Variants in RNF220 observed in about 807,000 individuals in gnomAD.
RNF220 encodes the protein ring finger protein 220.
A neutral mutation model predicts 67.1 loss-of-function variants in RNF220; 7 were observed. The ratio of observed to expected loss-of-function variants is 0.10; its 90% CI spans 0.06 to 0.20. RNF220 has a LOEUF of 0.20. Ranked by LOEUF, RNF220 falls within the 10% of genes least tolerant of loss-of-function variation. RNF220 has a pLI of 1.00. For missense variants in RNF220, 565 were observed against 740.3 expected (o/e 0.76, Z 2.75); for synonymous variants, 270 against 283.2 (o/e 0.95, Z 0.47).
At chr1:44,617,244 T>C (rs1643594109) in intron 3 of RNF220, among the ~76,000 whole-genome samples, 1 of 152,090 alleles carries the variant, frequency 6.6e-6, no homozygotes, top group South Asian at 2.1e-4. Flanking sequence ...GACGGGTCGA[T>C]GGTTTTATCT....
intron 2 of RNF220, among the ~76,000 whole-genome samples, chr1:44,514,967 A>G (rs2148135915): frequency 6.6e-6 from 1 of 152,326 alleles, no homozygotes; most frequent in East Asian, 1.9e-4. Context: ...AACAAGGACC[A>G]GTCCTTGAAA....
At chr1:44,470,431 G>C (rs1030188526) in intron 2 of RNF220, among the ~76,000 whole-genome samples, 1 of 152,208 alleles carries the variant, frequency 6.6e-6, no homozygotes, top group Non-Finnish European at 1.5e-5. Context: ...TAAGTAGCTA[G>C]TAGTGGAATA....
chr1:44,433,347 G>T lies in RNF220; in HGVS notation c.625+20625G>T, dbSNP rs530751671. Among the ~76,000 whole-genome samples, 5 of 152,286 alleles carry T rather than the reference G, an allele frequency of 3.3e-5. No homozygotes were observed. The South Asian group carries it at 6.2e-4, about 19-fold the overall frequency. On this transcript the variant is annotated intron_variant, in intron 2 of 14. Transcript: ENST00000361799. ...ACATTGGCAAATTCAGCTTGATTTG[G>T]GTAAAAGTACGTAACAGTTCAGAAT...
chr1:44,560,386 T>C (rs1026565089), intron 2 of RNF220, among the ~76,000 whole-genome samples: 11 of 152,196 alleles, frequency 7.2e-5, no homozygotes, highest in African/African-American at 2.2e-4. Flanking sequence ...TGGTCTTTCT[T>C]GCCATCATCA....
rs993409394 is a variant in RNF220, at chr1:44,651,089, C to G, written c.*314C>G. ...TGGGGCACGGCTCCTAAGATCCAGC[C>G]CCCATACTGACAGACGGACAGACAG... On this transcript the variant is annotated 3_prime_UTR_variant, in exon 15 of 15. Coordinates refer to ENST00000361799, the MANE Select transcript of RNF220 (RefSeq NM_018150.4). The G allele has an allele frequency of 7.0e-6, 3 of 431,178 alleles. No individual in the cohort carries two copies. The highest frequency in any genetic ancestry group is 1.3e-5 in the Non-Finnish European group (3 of 228,522). The allele number at this position is 431,178 out of a possible 1,614,324, so 26.7% of individuals were successfully genotyped here. A position where few individuals can be genotyped will look rare whatever the true frequency, so the allele number is the denominator to read the frequency against.
rs532908827 is a variant in RNF220 at position 44,621,167 on chromosome 1, C to T, written c.759-1575C>T. 5.9e-5 allele frequency among the ~76,000 whole-genome samples: 9 copies of T among 152,268 alleles called. No homozygotes were observed. In the East Asian group the frequency reaches 1.2e-3, roughly 20 times the overall value. On this transcript the variant is annotated intron_variant, in intron 3 of 14. Transcript: ENST00000361799. This position sits in a 1 kb window ranked among gnomAD's most constrained non-coding sequence, Gnocchi z 4.8. ...CTGACCTCAGGTGATCCACCAGCCT[C>T]GGCCTCACAAAGTGCTGGGATTATA...
intron 2 of RNF220, among the ~76,000 whole-genome samples, chr1:44,598,331 G>A (rs1364679107): frequency 6.6e-6 from 1 of 152,180 alleles, no homozygotes; most frequent in Non-Finnish European, 1.5e-5. Context: ...GTCCGCTAAC[G>A]AGGCTAATGC....
At chr1:44,617,606 C>A (rs1018770204) in intron 3 of RNF220, among the ~76,000 whole-genome samples, 1 of 152,246 alleles carries the variant, frequency 6.6e-6, no homozygotes, top group African/African-American at 2.4e-5. Context: ...CGCCCCTGCC[C>A]GCTCTCGGGA....
At chr1:44,528,490 TG>T (rs1246678444) in intron 2 of RNF220, among the ~76,000 whole-genome samples, 1 of 151,824 alleles carries the variant, frequency 6.6e-6, no homozygotes, top group Non-Finnish European at 1.5e-5. Flanking sequence ...TTAGTAGAGA[TG>T]GGGTTTCACC....
In RNF220 at chr1:44,650,783, G is replaced by T. The variant is rs1644771452; in HGVS notation, c.*8G>T. 2 of 1,612,950 alleles carry T rather than the reference G, an allele frequency of 1.2e-6. No individual in the cohort carries two copies. The highest frequency in any genetic ancestry group is 1.3e-5 in the African/African-American group (1 of 74,928). On this transcript the variant is annotated 3_prime_UTR_variant, in exon 15 of 15. Transcript: ENST00000361799. The surrounding 1 kb of genome is among the most constrained non-coding windows in gnomAD (Gnocchi z 4.3). ...CGGAGGATCTACTTGTGAGCTATCT[G>T]CCCCAGGCAGGCCTCGCCTCCAGCA...
intron 2 of RNF220, among the ~76,000 whole-genome samples, chr1:44,452,807 C>G (rs1311450744): frequency 6.6e-6 from 1 of 152,042 alleles, no homozygotes; most frequent in Non-Finnish European, 1.5e-5. Context: ...TTCTTTGCCT[C>G]AGTAGTTTTT....
chr1:44,596,356 G>A (rs879280109), intron 2 of RNF220, among the ~76,000 whole-genome samples: 12 of 152,128 alleles, frequency 7.9e-5, no homozygotes, highest in Admixed American at 4.6e-4. Flanking sequence ...GAGGTCAGGA[G>A]TCAGAGACCA....
chr1:44,516,884 C>T (rs1479013950), intron 2 of RNF220, among the ~76,000 whole-genome samples: 1 of 152,106 alleles, frequency 6.6e-6, no homozygotes, highest in African/African-American at 2.4e-5. Flanking sequence ...TTACCACCAC[C>T]ACATGGATCT....
intron 2 of RNF220, among the ~76,000 whole-genome samples, chr1:44,416,433 C>T (rs937801692): frequency 6.6e-6 from 1 of 152,236 alleles, no homozygotes; most frequent in Non-Finnish European, 1.5e-5. Context: ...TGTCTGCTGT[C>T]TTGTGTTAGA....
rs1481980847 is a variant in RNF220, at chr1:44,407,380, C to T, written c.-118+1850C>T. Among the ~76,000 whole-genome samples, 4 of 152,322 alleles carry T rather than the reference C, an allele frequency of 2.6e-5. No homozygotes were observed. The East Asian group carries it at 7.7e-4, about 29-fold the overall frequency. ...GGGGCTTTGCCTTGCCTGGCCTCCT[C>T]TTTCCGTCTCGCGGGCTCTTCCTGC... is the stretch of plus-strand genomic sequence containing the variant. On this transcript the variant is annotated intron_variant, in intron 1 of 14. Transcript: ENST00000361799.
At chr1:44,524,049 T>C (rs1259018095) in intron 2 of RNF220, among the ~76,000 whole-genome samples, 1 of 150,430 alleles carries the variant, frequency 6.6e-6, no homozygotes, top group Non-Finnish European at 1.5e-5. Context: ...AGACTCCCCC[T>C]GCCACTCTGG....
At chr1:44,580,866 G>A (rs888373343) in intron 2 of RNF220, among the ~76,000 whole-genome samples, 2 of 152,256 alleles carry the variant, frequency 1.3e-5, no homozygotes, top group African/African-American at 2.4e-5. Context: ...AGACTGAGGA[G>A]TGGACAGTGG....
rs2148302293 is a variant in RNF220 at position 44,565,831 on chromosome 1, C to G, written c.626-48334C>G. 6.6e-6 allele frequency among the ~76,000 whole-genome samples: 1 copy of G among 152,280 alleles called. No individual in the cohort carries two copies. Among genetic ancestry groups the G allele is most frequent in the Admixed American group, 6.5e-5 (1 of 15,302 alleles). On this transcript the variant is annotated intron_variant, in intron 2 of 14. Transcript: ENST00000361799. The surrounding 1 kb of genome is among the most constrained non-coding windows in gnomAD (Gnocchi z 4.2). ...CATCCCCGTCCTGCAACCCAGTCCT[C>G]CTGCTGCAGTCTTACCTGTCCTCTG...
chr1:44,539,696 T>G (rs1187325777), intron 2 of RNF220, among the ~76,000 whole-genome samples: 1 of 152,158 alleles, frequency 6.6e-6, no homozygotes, highest in Non-Finnish European at 1.5e-5. Context: ...TACTAAGCTC[T>G]CCCCAAAATC....
Sources: allele counts gnomAD v4.1 joint callset (sites outside exome capture counted in the v4.1 genomes callset), GRCh38; gene constraint gnomAD v4.1.1; non-coding constraint Gnocchi (gnomAD v3.1); transcripts MANE v1.5; gene names NCBI Gene and HGNC (gene_info 2026-07-23, HGNC 2026-07-21).